ITPR1: variants seen among roughly 807,000 people sequenced by gnomAD.
The protein encoded by ITPR1 is inositol 1,4,5-trisphosphate receptor type 1, also known as inositol 1,4,5-trisphosphate-gated calcium channel ITPR1.
Under a neutral mutation model 318.4 loss-of-function variants are expected in ITPR1, and 96 were observed. That is an observed-to-expected ratio of 0.30 (90% CI 0.26 to 0.36). ITPR1 has a LOEUF of 0.36. ITPR1 is among the 10% of genes least tolerant of loss of function. The pLI is 1.00. For missense variants in ITPR1, 2,440 were observed against 3,460.2 expected (o/e 0.71, Z 7.40); for synonymous variants, 1,312 against 1,289.9 (o/e 1.02, Z -0.37).
At chr3:4,719,470 C>T (rs1181986401) in intron 40 of ITPR1, among the ~76,000 whole-genome samples, 1 of 152,232 alleles carries the variant, frequency 6.6e-6, no homozygotes, top group African/African-American at 2.4e-5. Flanking sequence ...CAGCCCACAG[C>T]TGGAGTTCTG....
chr3:4,756,036 G>A (rs1218262137), intron 44 of ITPR1, among the ~76,000 whole-genome samples: 1 of 152,204 alleles, frequency 6.6e-6, no homozygotes, highest in Non-Finnish European at 1.5e-5. Flanking sequence ...AAAGTTTCTT[G>A]TTAGGGTGAG....
intron 51 of ITPR1, among the ~76,000 whole-genome samples, chr3:4,787,538 A>G (rs978370506): frequency 1.8e-3 from 38 of 21,318 alleles, no homozygotes; most frequent in Non-Finnish European, 4.0e-3. Context: ...ATACTGGAGG[A>G]AAAAAAAAAA....
At chr3:4,683,837 T>G in intron 28 of ITPR1, 39 bp downstream of exon 28, 1 of 1,585,070 alleles carries the variant, frequency 6.3e-7, no homozygotes, top group South Asian at 1.1e-5. Flanking sequence ...AGTGGATGGA[T>G]GGGCTTCTCG....
At chr3:4,772,916 A>C (rs377012951) in intron 46 of ITPR1, among the ~76,000 whole-genome samples, 29 of 152,162 alleles carry the variant, frequency 1.9e-4, no homozygotes, top group African/African-American at 6.8e-4. Context: ...CTTCATGGGG[A>C]GTTTGAAACA....
chr3:4,634,168 A>C (rs765869000), intron 5 of ITPR1, among the ~76,000 whole-genome samples: 1 of 152,114 alleles, frequency 6.6e-6, no homozygotes, highest in Non-Finnish European at 1.5e-5. Context: ...AGATATTTAA[A>C]TTATCAGGAT....
chr3:4,842,052 C>T (rs566546383), intron 61 of ITPR1, among the ~76,000 whole-genome samples: 84 of 152,346 alleles, frequency 5.5e-4, no homozygotes, highest in African/African-American at 2.0e-3. Flanking sequence ...GTGTTATAAA[C>T]CAGAAATGTG....
chr3:4,732,552 T>C (rs539319856), intron 42 of ITPR1, among the ~76,000 whole-genome samples: 23 of 152,180 alleles, frequency 1.5e-4, no homozygotes, highest in Non-Finnish European at 2.8e-4. Flanking sequence ...CATTATGAGG[T>C]TTTTGTTGTT....
Position 4,666,272 on chromosome 3 carries a change from C to G in ITPR1, c.1713+976C>G, listed in dbSNP as rs77747291. On this transcript the variant is annotated intron_variant, in intron 17 of 61. Coordinates refer to ENST00000649015, the MANE Select transcript of ITPR1 (RefSeq NM_001378452.1). ...TTTCTTTGTAATTAAAGGTTTTTGT[C>G]ATGTCATCATAAAGATAGTGTTGAT... 7.2e-3 allele frequency among the ~76,000 whole-genome samples: 1,093 copies of G among 152,220 alleles called. 19 individuals are homozygous for G. The highest frequency in any genetic ancestry group is 0.025 in the African/African-American group (1,053 of 41,530).
At chr3:4,800,277 A>G in intron 53 of ITPR1, 148 bp from the exon 54 acceptor site, 2 of 680,772 alleles carry the variant, frequency 2.9e-6, no homozygotes, top group Non-Finnish European at 4.9e-6. Flanking sequence ...GGGACTGGTT[A>G]TGGATGGGGC....
chr3:4,557,659 A>G (rs992864365), intron 4 of ITPR1, among the ~76,000 whole-genome samples: 1 of 152,210 alleles, frequency 6.6e-6, no homozygotes, highest in African/African-American at 2.4e-5. Context: ...TTTCTTTAGC[A>G]CTTGGCATTG....
At chr3:4,844,406 G>A (rs957943633) in intron 61 of ITPR1, among the ~76,000 whole-genome samples, 1 of 152,180 alleles carries the variant, frequency 6.6e-6, no homozygotes, top group African/African-American at 2.4e-5. Context: ...TTACAGGCGT[G>A]AGCCCGCTGC....
At position 4,836,482 on chromosome 3, in the gene ITPR1, A is replaced by G. The variant is rs11130159; in HGVS notation, c.8029-292A>G. ...CCATGTAATTTGCAAAGATCAGAGC[A>G]GCAGTGGCAGTATTCAGATTTGGAG... On this transcript the variant is annotated intron_variant, in intron 60 of 61. Transcript: ENST00000649015. 0.99 allele frequency among the ~76,000 whole-genome samples: 150,941 copies of G among 152,282 alleles called. 74,805 individuals carry two copies. Among genetic ancestry groups the G allele is most frequent in the Middle Eastern group, 1 (294 of 294 alleles).
chr3:4,832,835 G>A (rs112104259), intron 60 of ITPR1, among the ~76,000 whole-genome samples: 77 of 152,286 alleles, frequency 5.1e-4, no homozygotes, highest in Middle Eastern at 3.4e-3. Context: ...AGCACAAGAC[G>A]CAGGGCATCA....
intron 4 of ITPR1, among the ~76,000 whole-genome samples, chr3:4,621,381 C>T (rs113468357): frequency 0.022 from 3,332 of 152,200 alleles, 114 homozygotes; most frequent in African/African-American, 0.076. Flanking sequence ...TGCGAGCACT[C>T]ACTCAGTATC....
At chr3:4,664,266 A>G (rs1470658263) in intron 16 of ITPR1, among the ~76,000 whole-genome samples, 2 of 152,214 alleles carry the variant, frequency 1.3e-5, no homozygotes. Context: ...ATATTGTTGG[A>G]TGTAAATGTA....
intron 4 of ITPR1, among the ~76,000 whole-genome samples, chr3:4,553,493 C>G (rs544921795): frequency 5.3e-5 from 8 of 151,984 alleles, no homozygotes; most frequent in African/African-American, 1.9e-4. Context: ...TACAGTGGTA[C>G]GATTTCAGCT....
chr3:4,509,075 A>G (rs2081607426), intron 2 of ITPR1, among the ~76,000 whole-genome samples: 1 of 152,234 alleles, frequency 6.6e-6, no homozygotes, highest in Non-Finnish European at 1.5e-5. Flanking sequence ...ACAGAAAGTG[A>G]GCATAAAGGG....
chr3:4,781,906 C>G (rs1575224167), intron 49 of ITPR1, among the ~76,000 whole-genome samples: 1 of 152,124 alleles, frequency 6.6e-6, no homozygotes, highest in Admixed American at 6.5e-5. Flanking sequence ...TCACTTGAGC[C>G]TGGGAGGTCA....
At position 4,640,289 on chromosome 3, in the gene ITPR1, G is replaced by A. The variant is rs553304503; in HGVS notation, c.366+819G>A. Among the ~76,000 whole-genome samples, 5 of 152,328 alleles carry A rather than the reference G, an allele frequency of 3.3e-5. 1 individual carries two copies. In the South Asian group the frequency reaches 8.3e-4, roughly 25 times the overall value. On this transcript the variant is annotated intron_variant, in intron 6 of 61. Transcript: ENST00000649015. ...TTAGGTATAGAGCAGGGCTAATCAG[G>A]AAGATGGGAACACTAGTAAAAGATT...
Sources: gnomAD v4.1 joint callset for allele counts (sites outside exome capture counted in the v4.1 genomes callset) on GRCh38, gnomAD v4.1.1 for gene constraint, MANE v1.5 for transcripts, NCBI Gene and HGNC (gene_info 2026-07-23, HGNC 2026-07-21) for gene names.